DLG2: variants seen among roughly 807,000 people sequenced by gnomAD.
DLG2 encodes the protein disks large homolog 2.
In DLG2, 45 loss-of-function variants were observed where a neutral mutation model predicts 132.5. The observed-to-expected ratio is 0.34, with a 90% CI of 0.27 to 0.44. The LOEUF (loss-of-function observed/expected upper bound fraction) is 0.44, where lower values mean the gene tolerates loss of function less well. DLG2 is among the 20% of genes least tolerant of loss of function. The pLI is 1.00. For missense variants in DLG2, 1,045 were observed against 1,196.9 expected (o/e 0.87, Z 1.87); for synonymous variants, 424 against 419.6 (o/e 1.01, Z -0.13).
chr11:84,312,135 C>A (rs1269751458), intron 7 of DLG2, among the ~76,000 whole-genome samples: 1 of 152,156 alleles, frequency 6.6e-6, no homozygotes, highest in East Asian at 1.9e-4. Flanking sequence ...TTCATCACCA[C>A]AACTCTCTGA....
chr11:84,884,295 A>G (rs749557018), intron 6 of DLG2, among the ~76,000 whole-genome samples: 3 of 151,634 alleles, frequency 2.0e-5, no homozygotes, highest in Non-Finnish European at 4.4e-5. Context: ...TTAGGCTATG[A>G]GGTCTTAGTG....
chr11:85,040,784 G>C (rs2061795690), intron 6 of DLG2, among the ~76,000 whole-genome samples: 1 of 151,754 alleles, frequency 6.6e-6, no homozygotes, highest in South Asian at 2.1e-4. Context: ...TTCTTGATTG[G>C]ATCATTCCTT....
At chr11:83,987,969 T>TTTTAA (rs1246559718) in intron 11 of DLG2, among the ~76,000 whole-genome samples, 7 of 152,150 alleles carry the variant, frequency 4.6e-5, no homozygotes, top group Non-Finnish European at 7.4e-5. Flanking sequence ...TTTGTGCACT[T>TTTTAA]TTTAATGGGG....
At chr11:83,532,899 C>A in intron 20 of DLG2, 116 bp from the exon 21 acceptor site, 1 of 822,806 alleles carries the variant, frequency 1.2e-6, no homozygotes, top group Non-Finnish European at 1.9e-6. Context: ...AAAATGTGTT[C>A]TAAAATATTT....
intron 8 of DLG2, among the ~76,000 whole-genome samples, chr11:84,210,772 G>A (rs1170103744): frequency 2.0e-5 from 3 of 152,068 alleles, no homozygotes; most frequent in African/African-American, 7.2e-5. Context: ...TCATTTTTAT[G>A]AGTTTAAGGA....
At chr11:83,760,924 C>G (rs1026028412) in intron 18 of DLG2, among the ~76,000 whole-genome samples, 1 of 152,120 alleles carries the variant, frequency 6.6e-6, no homozygotes, top group African/African-American at 2.4e-5. Context: ...TTATTTAACA[C>G]CCTTTGAATG....
chr11:83,700,518 T>C (rs1469402160), intron 18 of DLG2, among the ~76,000 whole-genome samples: 2 of 152,150 alleles, frequency 1.3e-5, no homozygotes, highest in Admixed American at 6.5e-5. Flanking sequence ...GACTACAAAA[T>C]GTAGAGAATC....
At chr11:84,841,993 T>C (rs1027628318) in intron 6 of DLG2, among the ~76,000 whole-genome samples, 2 of 152,004 alleles carry the variant, frequency 1.3e-5, no homozygotes, top group Non-Finnish European at 1.5e-5. Flanking sequence ...AAATTGAGAT[T>C]CCTAGATCTA....
intron 5 of DLG2, among the ~76,000 whole-genome samples, chr11:85,144,024 GT>G (rs1332173104): frequency 6.6e-6 from 1 of 151,810 alleles, no homozygotes; most frequent in African/African-American, 2.4e-5. Flanking sequence ...AAAATGGGTT[GT>G]TGAGCTCTCC....
intron 7 of DLG2, among the ~76,000 whole-genome samples, chr11:84,451,311 A>T (rs1332409323): frequency 6.6e-6 from 1 of 151,948 alleles, no homozygotes; most frequent in Non-Finnish European, 1.5e-5. Flanking sequence ...CTCATGGTCC[A>T]CAATTTCCAT....
intron 18 of DLG2, among the ~76,000 whole-genome samples, chr11:83,729,517 A>G (rs2090604700): frequency 6.6e-6 from 1 of 152,228 alleles, no homozygotes; most frequent in South Asian, 2.1e-4. Flanking sequence ...TTAAATCATG[A>G]GCCTGGAGAT....
At chr11:85,314,129 T>A (rs1565309636) in intron 3 of DLG2, among the ~76,000 whole-genome samples, 1 of 152,008 alleles carries the variant, frequency 6.6e-6, no homozygotes, top group East Asian at 1.9e-4. Flanking sequence ...ATTGAGAACA[T>A]ACAATATGCC....
intron 19 of DLG2, among the ~76,000 whole-genome samples, chr11:83,623,045 G>A (rs547844276): frequency 5.9e-5 from 9 of 152,258 alleles, no homozygotes; most frequent in Admixed American, 1.3e-4. Flanking sequence ...CTATTATTGC[G>A]TGACTAAGTC....
intron 3 of DLG2, among the ~76,000 whole-genome samples, chr11:85,408,703 A>G (rs944369989): frequency 1.3e-5 from 2 of 151,660 alleles, no homozygotes; most frequent in South Asian, 2.1e-4. Context: ...AATTTCATCC[A>G]TGTCCCTACA....
At chr11:84,887,570 T>C (rs2088548287) in intron 6 of DLG2, among the ~76,000 whole-genome samples, 2 of 152,154 alleles carry the variant, frequency 1.3e-5, no homozygotes, top group African/African-American at 4.8e-5. Context: ...ATCACGCTAA[T>C]ATTTGATGAC....
intron 6 of DLG2, among the ~76,000 whole-genome samples, chr11:84,919,745 C>T (rs34083949): frequency 0.53 from 81,016 of 151,936 alleles, 21,903 homozygotes; most frequent in South Asian, 0.6. Context: ...GTCAGTATCA[C>T]TACCTTCAAA....
intron 5 of DLG2, among the ~76,000 whole-genome samples, chr11:85,117,807 T>C (rs901422888): frequency 4.6e-5 from 7 of 152,056 alleles, no homozygotes; most frequent in Non-Finnish European, 1.5e-5. Context: ...GCAATTTTAA[T>C]TAATACATTG....
chr11:85,152,401 T>G (rs1345079517), intron 5 of DLG2, among the ~76,000 whole-genome samples: 2 of 152,010 alleles, frequency 1.3e-5, no homozygotes. Context: ...CCACCACACT[T>G]GGCTAATTTT....
At chr11:83,549,879 G>A (rs1434479932) in intron 19 of DLG2, among the ~76,000 whole-genome samples, 3 of 152,094 alleles carry the variant, frequency 2.0e-5, no homozygotes, top group Non-Finnish European at 2.9e-5. Flanking sequence ...TCTTGAGTAA[G>A]GTACTTAACC....
Sources: gnomAD v4.1 joint callset for allele counts (sites outside exome capture counted in the v4.1 genomes callset) on GRCh38, gnomAD v4.1.1 for gene constraint, MANE v1.5 for transcripts, NCBI Gene and HGNC (gene_info 2026-07-23, HGNC 2026-07-21) for gene names.